Variants in NEK11 observed in about 807,000 individuals in gnomAD.
NEK11 encodes the protein serine/threonine-protein kinase Nek11.
A neutral mutation model predicts 80.7 loss-of-function variants in NEK11; 72 were observed. That is an observed-to-expected ratio of 0.89 (90% CI 0.74 to 1.08). NEK11 has a LOEUF of 1.08. Ranked by LOEUF, NEK11 falls within the 50% of genes least tolerant of loss-of-function variation. The probability of loss-of-function intolerance (pLI) is 0.00; values close to 1 mark genes in which losing one functional copy is unlikely to be tolerated. For missense variants in NEK11, 764 were observed against 763.6 expected (o/e 1.00, Z -0.01); for synonymous variants, 251 against 260.7 (o/e 0.96, Z 0.36).
intron 14 of NEK11, among the ~76,000 whole-genome samples, chr3:131,196,112 T>C (rs2094000279): frequency 6.6e-6 from 1 of 152,102 alleles, no homozygotes; most frequent in East Asian, 1.9e-4. Context: ...TACTGTGATA[T>C]AAAACTCTTA....
In NEK11 at chr3:131,080,516, C is replaced by A. The variant is rs1227738471; in HGVS notation, c.264C>A (p.His88Gln). 6.2e-7 allele frequency: 1 copy of A among 1,614,064 alleles called. No homozygotes were observed. Among genetic ancestry groups the A allele is most frequent in the Non-Finnish European group, 8.5e-7 (1 of 1,179,978 alleles). Reference sequence around the variant, plus strand: ...CCCAACTCCTCTCCAAGCTGGACCACCCAGCCATTGTCAAGTTCCATGCAA... The same window carrying A: ...CCCAACTCCTCTCCAAGCTGGACCAACCAGCCATTGTCAAGTTCCATGCAA... ...LEAQLLSKLD[H>Q]PAIVKFHASF... Residue 88 changes from histidine (H) to glutamine (Q), a missense_variant, in exon 4 of 18, where the codon CAC becomes CAA. By Grantham distance (24) the His-to-Gln change is conservative. Transcript: ENST00000383366.
chr3:131,334,381 G>A (rs1229758094), intron 17 of NEK11, among the ~76,000 whole-genome samples: 10 of 151,954 alleles, frequency 6.6e-5, no homozygotes, highest in African/African-American at 2.2e-4. Context: ...GGTACATAAT[G>A]AAATGAAGGC....
chr3:131,258,496 A>G (rs2095856654), intron 16 of NEK11, among the ~76,000 whole-genome samples: 1 of 152,192 alleles, frequency 6.6e-6, no homozygotes, highest in Non-Finnish European at 1.5e-5. Flanking sequence ...CTCCCCAAAC[A>G]TTGGCTAGTG....
intron 14 of NEK11, among the ~76,000 whole-genome samples, chr3:131,189,220 G>A (rs1026094243): frequency 2.0e-5 from 3 of 152,124 alleles, no homozygotes; most frequent in African/African-American, 7.2e-5. Flanking sequence ...CCAGAATTGT[G>A]AGAGAATAAA....
intron 17 of NEK11, among the ~76,000 whole-genome samples, chr3:131,280,857 G>C (rs1358215504): frequency 6.6e-6 from 1 of 152,160 alleles, no homozygotes; most frequent in Non-Finnish European, 1.5e-5. Flanking sequence ...GCAGCATTTA[G>C]GCTACAGCTG....
intron 14 of NEK11, among the ~76,000 whole-genome samples, chr3:131,224,619 A>C (rs531406128): frequency 3.3e-5 from 5 of 152,068 alleles, no homozygotes; most frequent in African/African-American, 4.8e-5. Context: ...GTCCTTCGGG[A>C]GGTATTTCAG....
intron 17 of NEK11, among the ~76,000 whole-genome samples, chr3:131,288,867 T>C (rs956647854): frequency 6.6e-6 from 1 of 152,240 alleles, no homozygotes; most frequent in Non-Finnish European, 1.5e-5. Flanking sequence ...GTATAATATA[T>C]GTTCTTTTAG....
At chr3:131,336,277 T>G (rs1355600864) in intron 17 of NEK11, among the ~76,000 whole-genome samples, 2 of 152,124 alleles carry the variant, frequency 1.3e-5, no homozygotes, top group Non-Finnish European at 2.9e-5. Flanking sequence ...GAGATATAGA[T>G]CAATGGAACA....
chr3:131,342,111 C>T (rs970252982), intron 17 of NEK11, among the ~76,000 whole-genome samples: 1 of 152,160 alleles, frequency 6.6e-6, no homozygotes, highest in African/African-American at 2.4e-5. Flanking sequence ...CAGAAAGAGG[C>T]CTTCAAGGCA....
At chr3:131,101,451 G>T (rs1376808709) in intron 4 of NEK11, among the ~76,000 whole-genome samples, 2 of 151,788 alleles carry the variant, frequency 1.3e-5, no homozygotes, top group East Asian at 1.9e-4. Context: ...TAATTTCAAA[G>T]AATTGTTTGA....
chr3:131,208,703 G>T (rs1472012286), intron 14 of NEK11, among the ~76,000 whole-genome samples: 8 of 152,240 alleles, frequency 5.3e-5, no homozygotes, highest in African/African-American at 1.7e-4. Flanking sequence ...TGGATTCCTA[G>T]GTATTTTATT....
chr3:131,302,062 AT>A (rs1257919403), intron 17 of NEK11, among the ~76,000 whole-genome samples: 1 of 151,582 alleles, frequency 6.6e-6, no homozygotes, highest in African/African-American at 2.4e-5. Context: ...TCAAGAGTTC[AT>A]TTTCTTCCTG....
chr3:131,254,795 G>T (rs1449116744), intron 16 of NEK11, among the ~76,000 whole-genome samples: 2 of 152,088 alleles, frequency 1.3e-5, no homozygotes. Context: ...CAAGGTGGGT[G>T]GATCACCTGA....
chr3:131,305,884 C>G (rs1490163884), intron 17 of NEK11, among the ~76,000 whole-genome samples: 6 of 152,130 alleles, frequency 3.9e-5, no homozygotes, highest in African/African-American at 1.4e-4. Context: ...ACTCTCAATG[C>G]CTTCTCTCCA....
intron 15 of NEK11, among the ~76,000 whole-genome samples, chr3:131,242,751 ACCTGAAAATAAT>A: frequency 1.3e-5 from 2 of 152,154 alleles, no homozygotes; most frequent in Admixed American, 1.3e-4. Context: ...ATAACCACAA[ACCTGAAAATAAT>A]TAATACTTTT....
intron 14 of NEK11, among the ~76,000 whole-genome samples, chr3:131,214,782 A>G (rs2094762637): frequency 6.6e-6 from 1 of 151,870 alleles, no homozygotes; most frequent in Admixed American, 6.6e-5. Flanking sequence ...TCACTTAGAG[A>G]GGCACTTACA....
intron 17 of NEK11, among the ~76,000 whole-genome samples, chr3:131,304,823 T>C (rs2096705743): frequency 6.6e-6 from 1 of 152,212 alleles, no homozygotes; most frequent in South Asian, 2.1e-4. Flanking sequence ...GTTGGGGCAA[T>C]GGCAGTGGGA....
At chr3:131,128,406 T>C (rs754001248) in intron 5 of NEK11, among the ~76,000 whole-genome samples, 6 of 152,252 alleles carry the variant, frequency 3.9e-5, no homozygotes, top group Non-Finnish European at 7.3e-5. Context: ...GCTGGAATCA[T>C]ATATAGATTT....
chr3:131,278,947 C>A (rs1309975999), intron 17 of NEK11, among the ~76,000 whole-genome samples: 6 of 151,990 alleles, frequency 3.9e-5, no homozygotes, highest in African/African-American at 1.5e-4. Flanking sequence ...TTTAGAAATT[C>A]ATATACACAT....
Sources: allele counts gnomAD v4.1 joint callset (sites outside exome capture counted in the v4.1 genomes callset), GRCh38; gene constraint gnomAD v4.1.1; transcripts MANE v1.5; gene names NCBI Gene and HGNC (gene_info 2026-07-23, HGNC 2026-07-21).